RNF14: variants seen among roughly 807,000 people sequenced by gnomAD.
RNF14 encodes the protein ring finger protein 14.
Under a neutral mutation model 52.6 loss-of-function variants are expected in RNF14, and 26 were observed. The observed-to-expected ratio is 0.49, with a 90% CI of 0.36 to 0.69. RNF14 has a LOEUF of 0.69. Among genes scored for constraint, RNF14 ranks in the 30% least tolerant of loss-of-function variants. The pLI, the probability that RNF14 is intolerant of heterozygous loss-of-function variation, is 0.00. For synonymous variants in RNF14, 194 were observed against 202.0 expected, an observed-to-expected ratio of 0.96 and a Z score of 0.34; for missense variants, 404 against 560.4, an observed-to-expected ratio of 0.72 and a Z score of 2.82.
intron 5 of RNF14, among the ~76,000 whole-genome samples, chr5:141,979,182 C>T (rs1440114086): frequency 6.6e-6 from 1 of 152,124 alleles, no homozygotes; most frequent in Non-Finnish European, 1.5e-5. Context: ...GAATGATTAA[C>T]CAACTTTTTT....
At position 141,978,545 on chromosome 5, in the gene RNF14, G is replaced by A; in HGVS notation, c.549G>A (p.Val183=). The change falls in exon 5 of 9, where the codon GTG becomes GTA. Residue 183 remains valine, a synonymous_variant. Transcript: ENST00000394520. ...AGSDVDQEEI[V]DERAVQDVES... ...CTGATGTAGACCAAGAGGAAATTGT[G>A]GATGAGAGAGCAGTGCAGGATGTGG... 6.2e-7 allele frequency: 1 copy of A among 1,614,120 alleles called. No individual in the cohort carries two copies. The highest frequency in any genetic ancestry group is 1.7e-5 in the Admixed American group (1 of 60,020).
chr5:141,955,581 G>A, upstream of RNF14: 1 of 1,614,152 alleles, frequency 6.2e-7, no homozygotes, highest in East Asian at 2.2e-5. This position sits in a 1 kb window ranked among gnomAD's most constrained non-coding sequence, Gnocchi z 5.5. Flanking sequence ...GGCGGTAGGT[G>A]GACTCGGCCT....
At chr5:141,951,652 G>T in the RNF14 span, 2 of 1,213,376 alleles carry the variant, frequency 1.6e-6, no homozygotes, top group Non-Finnish European at 2.5e-6. Context: ...TTCCTCGCCG[G>T]ATGTTTCCCT....
chr5:141,974,316 T>G lies in RNF14; in HGVS notation c.155-488T>G, dbSNP rs117828217. The stretch of plus-strand genomic sequence containing the variant: ...AAACTTTGATTGTGAGAGTGTTGTG[T>G]GCTATATTATATCCTCAAACCTGAG... On this transcript the variant is annotated intron_variant, in intron 3 of 8. Transcript: ENST00000394520. Among the ~76,000 whole-genome samples, 3 of 152,350 alleles carry G rather than the reference T, an allele frequency of 2.0e-5. No individual in the cohort carries two copies. The South Asian group carries it at 6.2e-4, about 32-fold the overall frequency.
intron 8 of RNF14, 102 bp downstream of exon 8, chr5:141,985,035 G>C (rs1755113739): frequency 1.3e-5 from 14 of 1,059,594 alleles, no homozygotes; most frequent in Non-Finnish European, 1.9e-5. Context: ...CTTATTTAGA[G>C]AATTCTCTTA....
the RNF14 span, among the ~76,000 whole-genome samples, chr5:141,949,876 C>T: frequency 6.6e-6 from 1 of 152,314 alleles, no homozygotes; most frequent in African/African-American, 2.4e-5. Flanking sequence ...AAGCACTCAG[C>T]AGACAGAAGT....
At chr5:141,955,526 G>A (rs763675085), upstream of RNF14, 36 of 1,614,020 alleles carry the variant, frequency 2.2e-5, no homozygotes, top group Non-Finnish European at 2.7e-5. The surrounding 1 kb of genome is among the most constrained non-coding windows in gnomAD (Gnocchi z 5.5). Flanking sequence ...GGCACGAGGT[G>A]GATGTCTGCC....
intron 7 of RNF14, 103 bp downstream of exon 7, chr5:141,983,655 C>T: frequency 3.1e-6 from 3 of 971,578 alleles, no homozygotes; most frequent in Non-Finnish European, 4.5e-6. Flanking sequence ...AAAACACATG[C>T]TGGTATTATT....
chr5:141,978,689 A>T lies in RNF14; in HGVS notation c.693A>T (p.Glu231Asp). Residue 231 changes from glutamate to aspartate, a missense_variant, in exon 5 of 9, where the codon GAA (glutamate) becomes GAT (aspartate). Transcript: ENST00000394520. ...SICFCEKLGS[E>D]CMYFLECRHV... ...GTTTCTGTGAGAAGCTGGGTAGTGAATGCATGTACTTCTTGGAGTGCAGGC... is the reference window on the plus strand; with the variant it reads ...GTTTCTGTGAGAAGCTGGGTAGTGATTGCATGTACTTCTTGGAGTGCAGGC... The T allele has an allele frequency of 6.2e-7, 1 of 1,614,000 alleles. No homozygotes were observed. The highest frequency in any genetic ancestry group is 8.5e-7 in the Non-Finnish European group (1 of 1,179,862).
chr5:141,971,570 TCTTTCTTTCTTTC>T (rs528731567), intron 2 of RNF14, among the ~76,000 whole-genome samples: 87,818 of 137,478 alleles, frequency 0.64, 27,828 homozygotes, highest in East Asian at 0.81. Flanking sequence ...TCTTTTTCTT[TCTTTCTTTCTTTC>T]TTTCTTTCTT....
rs758487179 is a variant in RNF14, at chr5:141,978,860, C to T, written c.834+30C>T. 35 of 1,597,696 alleles carry T rather than the reference C, an allele frequency of 2.2e-5. No individual in the cohort carries two copies. In the South Asian group the frequency reaches 3.8e-4, roughly 17 times the overall value. Reference sequence around the variant, plus strand: ...CTGTTTACCCTGCTGATGGTTGCCTCCTAATTCTCTTCCATAAATGGAGAT... The same window carrying T: ...CTGTTTACCCTGCTGATGGTTGCCTTCTAATTCTCTTCCATAAATGGAGAT... On this transcript the variant is annotated intron_variant, in intron 5 of 8. Coordinates refer to ENST00000394520, the MANE Select transcript of RNF14 (RefSeq NM_004290.5).
the RNF14 span, chr5:141,952,289 G>A: frequency 6.6e-6 from 1 of 152,280 alleles, no homozygotes; most frequent in African/African-American, 2.4e-5. Flanking sequence ...GGGGCTCTGT[G>A]GGAGCAGAGG....
chr5:141,989,714 T>C lies in RNF14; in HGVS notation c.*1924T>C, dbSNP rs978317069. Reference sequence around the variant, plus strand: ...TCTCAAAAAAAAAAAAAAAAAAAATTGAGGTTAAAGAATAAATTAAAGATA... The same window carrying C: ...TCTCAAAAAAAAAAAAAAAAAAAATCGAGGTTAAAGAATAAATTAAAGATA... On this transcript the variant is annotated 3_prime_UTR_variant, in exon 9 of 9. Coordinates refer to ENST00000394520, the MANE Select transcript of RNF14 (RefSeq NM_004290.5). 5 of 138,606 alleles carry C rather than the reference T, an allele frequency of 3.6e-5. No homozygotes were observed. Among genetic ancestry groups the C allele is most frequent in the Non-Finnish European group, 6.2e-5 (4 of 64,006 alleles). 8.6% of individuals were successfully genotyped at this position (138,606 alleles called of 1,614,324 possible).
At chr5:141,951,674 C>G in the RNF14 span, 1 of 993,430 alleles carries the variant, frequency 1.0e-6, no homozygotes, top group Non-Finnish European at 1.6e-6. Context: ...AATGCCGGTG[C>G]TTTCTTTTTA....
chr5:141,978,817 C>T lies in RNF14; in HGVS notation c.821C>T (p.Ala274Val). The T allele has an allele frequency of 6.2e-7, 1 of 1,613,550 alleles. No individual in the cohort carries two copies. Among genetic ancestry groups the T allele is most frequent in the East Asian group, 2.2e-5 (1 of 44,870 alleles). ...CCAGAACCAAAGTGCCCTTCGGTGG[C>T]CACTCCTGGTCAGGTAACTGTTTAC... ...NCPEPKCPSV[A>V]TPGQVKELVE... Residue 274 changes from alanine (A) to valine (V), a missense_variant, in exon 5 of 9, where the codon GCC becomes GTC. Ala to Val is a moderately conservative substitution (Grantham distance 64). Coordinates refer to ENST00000394520, the MANE Select transcript of RNF14 (RefSeq NM_004290.5).
chr5:141,960,592 T>C (rs911960588), intron 1 of RNF14, among the ~76,000 whole-genome samples: 1 of 152,158 alleles, frequency 6.6e-6, no homozygotes, highest in African/African-American at 2.4e-5. Flanking sequence ...TTAGACCTTG[T>C]CCTGAAGGTC....
upstream of RNF14, chr5:141,957,693 C>T (rs372623269): frequency 1.2e-5 from 20 of 1,614,072 alleles, no homozygotes; most frequent in African/African-American, 2.4e-4. This position sits in a 1 kb window ranked among gnomAD's most constrained non-coding sequence, Gnocchi z 4.3. Flanking sequence ...CCTCCCGGCC[C>T]AGTTCCTGGG....
At chr5:141,956,820 A>C, upstream of RNF14, 6 of 1,614,254 alleles carry the variant, frequency 3.7e-6, no homozygotes, top group Non-Finnish European at 5.1e-6. Flanking sequence ...TGTCATTGAC[A>C]TCCAGAACCT....
In RNF14 at chr5:141,989,911, TTGA is replaced by T. The variant is rs1755502472; in HGVS notation, c.*2127_*2129del. ...TTTTATGTTAAGCTGTTATACATTG[TTGA>T]TGATGTCATAGAAGTAGGAAAGAAG... is the stretch of plus-strand genomic sequence containing the variant. On this transcript the variant is annotated 3_prime_UTR_variant, in exon 9 of 9. Transcript: ENST00000394520. 1 of 152,278 alleles carries T rather than the reference TTGA, an allele frequency of 6.6e-6. No individual in the cohort carries two copies. The highest frequency in any genetic ancestry group is 2.4e-5 in the African/African-American group (1 of 41,558). The allele number at this position is 152,278 out of a possible 1,614,324, so 9.4% of individuals were successfully genotyped here.
Sources: gnomAD v4.1 joint callset for allele counts (sites outside exome capture counted in the v4.1 genomes callset) on GRCh38, gnomAD v4.1.1 for gene constraint, Gnocchi (gnomAD v3.1) non-coding constraint, MANE v1.5 for transcripts, NCBI Gene and HGNC (gene_info 2026-07-23, HGNC 2026-07-21) for gene names.